The following EYA4 variants were observed in gnomAD, a reference collection of about 807,000 sequenced individuals.
The protein encoded by EYA4 is EYA transcriptional coactivator and phosphatase 4, also known as protein phosphatase EYA4.
EYA4 carries 31 observed loss-of-function variants against 87.9 expected under a neutral mutation model. The ratio of observed to expected loss-of-function variants is 0.35; its 90% CI spans 0.27 to 0.48. The LOEUF is 0.48. Ranked by LOEUF, EYA4 falls within the 20% of genes least tolerant of loss-of-function variation. The probability of loss-of-function intolerance (pLI) is 0.99; values close to 1 mark genes in which losing one functional copy is unlikely to be tolerated. For synonymous variants in EYA4, 263 were observed against 270.6 expected (o/e 0.97, Z 0.28); for missense variants, 678 against 761.4 (o/e 0.89, Z 1.29).
intron 2 of EYA4, among the ~76,000 whole-genome samples, chr6:133,342,579 ATATATAT>A (rs2128408830): frequency 1.7e-5 from 1 of 57,184 alleles, no homozygotes; most frequent in Admixed American, 2.0e-4. Context: ...ACTGCCATAT[ATATATAT>A]ATATATATAT....
intron 19 of EYA4, among the ~76,000 whole-genome samples, chr6:133,525,636 T>C (rs1010606294): frequency 1.4e-4 from 22 of 151,896 alleles, no homozygotes; most frequent in African/African-American, 5.1e-4. Context: ...GCAAGAAAGA[T>C]TGGGGGGGAG....
chr6:133,310,741 G>C (rs1340409574), intron 2 of EYA4, among the ~76,000 whole-genome samples: 1 of 152,166 alleles, frequency 6.6e-6, no homozygotes, highest in Non-Finnish European at 1.5e-5. Flanking sequence ...GACTGTAGCA[G>C]AGTTATATGA....
intron 2 of EYA4, among the ~76,000 whole-genome samples, chr6:133,288,472 A>AT (rs1477554817): frequency 1.3e-5 from 2 of 152,190 alleles, no homozygotes; most frequent in Admixed American, 1.3e-4. Flanking sequence ...AGAAGATGTC[A>AT]TTAATAGAGT....
Position 133,456,626 on chromosome 6 carries a change from G to A in EYA4, c.348G>A (p.Ala116=), listed in dbSNP as rs373496105. Residue 116 remains alanine, a synonymous_variant, in exon 6 of 20, where the codon GCG becomes GCA. Coordinates refer to ENST00000355286, the MANE Select transcript of EYA4 (RefSeq NM_004100.5). ...SETTATTGDG[A]LDTFTGSVIT... ...CCACAGCCACGACTGGAGATGGAGC[G>A]CTTGACACTTTTACTGGGTCAGGTA... The A allele has an allele frequency of 4.3e-5, 69 of 1,612,992 alleles. No homozygotes were observed. Among genetic ancestry groups the A allele is most frequent in the Non-Finnish European group, 5.0e-5 (59 of 1,179,194 alleles).
rs11301951 is a variant in EYA4 at position 133,522,169 on chromosome 6, G to GTTT, written c.1617-874_1617-872dup. On this transcript the variant is annotated intron_variant, in intron 17 of 19. Transcript: ENST00000355286. ...TCTGGTGCATCTACATGGTAGAGTA[G>GTTT]TTTTTTTTTTTTTTTAATTATACTT... Among the ~76,000 whole-genome samples the GTTT allele has an allele frequency of 9.7e-4, 127 of 131,132 alleles. 1 individual carries two copies. The highest frequency in any genetic ancestry group is 3.4e-3 in the African/African-American group (122 of 36,138). The allele number at this position is 131,132 out of a possible 152,430, so 86.0% of individuals were successfully genotyped here.
rs1800875240 is a variant in EYA4 at position 133,529,457 on chromosome 6, G to A, written c.*652G>A. The stretch of plus-strand genomic sequence containing the variant: ...CAGAATGTTCATACTGATGTGTTGT[G>A]CCTTAAAGACAAGACAGCATTTGTG... On this transcript the variant is annotated 3_prime_UTR_variant, in exon 20 of 20. Coordinates refer to ENST00000355286, the MANE Select transcript of EYA4 (RefSeq NM_004100.5). 2.0e-6 allele frequency: 2 copies of A among 985,360 alleles called. No homozygotes were observed. The highest frequency in any genetic ancestry group is 2.4e-6 in the Non-Finnish European group (2 of 830,406). 61.0% of individuals were successfully genotyped at this position (985,360 alleles called of 1,614,324 possible). A position where few individuals can be genotyped will look rare whatever the true frequency, so the allele number is the denominator to read the frequency against.
intron 2 of EYA4, among the ~76,000 whole-genome samples, chr6:133,286,396 T>G (rs565085079): frequency 1.2e-3 from 184 of 152,286 alleles, no homozygotes; most frequent in African/African-American, 4.4e-3. Context: ...TTCAAAACAT[T>G]ATATTTGTTG....
chr6:133,311,732 C>T (rs1277521885), intron 2 of EYA4, among the ~76,000 whole-genome samples: 4 of 152,332 alleles, frequency 2.6e-5, no homozygotes, highest in African/African-American at 9.6e-5. Context: ...CCTGCATGGT[C>T]TGCTTCTCCT....
At chr6:133,409,158 T>C (rs546684295) in intron 3 of EYA4, among the ~76,000 whole-genome samples, 1 of 152,212 alleles carries the variant, frequency 6.6e-6, no homozygotes, top group African/African-American at 2.4e-5. Flanking sequence ...CCAACCAAAA[T>C]TGGAGCATAA....
chr6:133,451,805 C>A (rs1432573978), intron 5 of EYA4, among the ~76,000 whole-genome samples: 2 of 152,116 alleles, frequency 1.3e-5, no homozygotes, highest in Non-Finnish European at 2.9e-5. Context: ...ATCAGACATT[C>A]TGATCAGCTT....
chr6:133,386,316 A>G (rs1158117075), intron 3 of EYA4, among the ~76,000 whole-genome samples: 3 of 152,158 alleles, frequency 2.0e-5, no homozygotes. Context: ...TTAATGTAAT[A>G]AATAGCTCCT....
intron 13 of EYA4, among the ~76,000 whole-genome samples, chr6:133,496,354 T>C (rs934214850): frequency 6.6e-6 from 1 of 152,196 alleles, no homozygotes; most frequent in Non-Finnish European, 1.5e-5. Context: ...AGCATAGTGA[T>C]TTTTTTGATT....
intron 2 of EYA4, among the ~76,000 whole-genome samples, chr6:133,376,745 G>T (rs970215239): frequency 4.0e-5 from 6 of 151,898 alleles, no homozygotes; most frequent in African/African-American, 1.4e-4. Context: ...TAATTCCAAA[G>T]AGTCCAGAAA....
chr6:133,405,629 G>A (rs1185888807), intron 3 of EYA4, among the ~76,000 whole-genome samples: 1 of 152,028 alleles, frequency 6.6e-6, no homozygotes, highest in African/African-American at 2.4e-5. Flanking sequence ...TTTTAGGTGG[G>A]GCTACAGCAA....
chr6:133,379,384 A>G (rs1785981190), intron 2 of EYA4, among the ~76,000 whole-genome samples: 1 of 152,104 alleles, frequency 6.6e-6, no homozygotes, highest in South Asian at 2.1e-4. Flanking sequence ...AGGTAAAACT[A>G]TCCATTTGCC....
intron 17 of EYA4, among the ~76,000 whole-genome samples, chr6:133,515,871 A>G (rs896158964): frequency 1.3e-5 from 2 of 152,230 alleles, no homozygotes; most frequent in African/African-American, 2.4e-5. Context: ...GTGTTAGGCC[A>G]TAATGGATAA....
At chr6:133,341,660 TAAAA>T (rs35613080) in intron 2 of EYA4, among the ~76,000 whole-genome samples, 1 of 150,188 alleles carries the variant, frequency 6.7e-6, no homozygotes, top group African/African-American at 2.5e-5. Flanking sequence ...ATAGTTGCAT[TAAAA>T]AAAAAACATT....
At chr6:133,502,068 T>A (rs796987245) in intron 13 of EYA4, among the ~76,000 whole-genome samples, 16 of 151,190 alleles carry the variant, frequency 1.1e-4, no homozygotes, top group African/African-American at 3.4e-4. Flanking sequence ...TCTCTCTCTC[T>A]CTCACTCTCT....
At chr6:133,437,415 T>C (rs984762859) in intron 3 of EYA4, among the ~76,000 whole-genome samples, 1 of 152,210 alleles carries the variant, frequency 6.6e-6, no homozygotes, top group African/African-American at 2.4e-5. Flanking sequence ...GCTGCTACTT[T>C]CTATCTGTGT....
Sources: allele counts gnomAD v4.1 joint callset (sites outside exome capture counted in the v4.1 genomes callset), GRCh38; gene constraint gnomAD v4.1.1; transcripts MANE v1.5; gene names NCBI Gene and HGNC (gene_info 2026-07-23, HGNC 2026-07-21).